Variants in CCSER1 observed in about 807,000 individuals in gnomAD.
CCSER1 encodes the protein serine-rich coiled-coil domain-containing protein 1.
Under a neutral mutation model 82.0 loss-of-function variants are expected in CCSER1, and 41 were observed. The observed-to-expected ratio is 0.50, with a 90% CI of 0.39 to 0.65. CCSER1 has a LOEUF of 0.65. Among genes scored for constraint, CCSER1 ranks in the 30% least tolerant of loss-of-function variants. The pLI is 0.00. For synonymous variants in CCSER1, 414 were observed against 383.9 expected (o/e 1.08, Z -0.92); for missense variants, 1,119 against 1,064.2 (o/e 1.05, Z -0.72).
At chr4:90,438,952 T>G (rs1331902321) in intron 4 of CCSER1, among the ~76,000 whole-genome samples, 2 of 152,152 alleles carry the variant, frequency 1.3e-5, no homozygotes, top group Non-Finnish European at 2.9e-5. Context: ...TTTTATACTA[T>G]TTGTGATTTT....
chr4:91,548,658 A>G (rs1762008081), intron 10 of CCSER1, among the ~76,000 whole-genome samples: 1 of 151,760 alleles, frequency 6.6e-6, no homozygotes, highest in Non-Finnish European at 1.5e-5. Flanking sequence ...TTCTCTCTCA[A>G]TATTTTAAAT....
intron 10 of CCSER1, among the ~76,000 whole-genome samples, chr4:91,509,548 A>G (rs1445119857): frequency 2.6e-5 from 4 of 152,020 alleles, no homozygotes; most frequent in African/African-American, 4.8e-5. Context: ...TATATCTACT[A>G]TTGCTGAGTG....
intron 5 of CCSER1, among the ~76,000 whole-genome samples, chr4:90,538,318 C>T (rs1333369379): frequency 2.0e-5 from 3 of 152,014 alleles, no homozygotes. Context: ...GAATAATTTA[C>T]ATAGAATTTA....
chr4:90,473,502 T>G (rs759435946), intron 5 of CCSER1, among the ~76,000 whole-genome samples: 14 of 152,358 alleles, frequency 9.2e-5, no homozygotes, highest in Middle Eastern at 3.4e-3. Context: ...ATGCTTCAGT[T>G]TCTTGTCATG....
intron 10 of CCSER1, among the ~76,000 whole-genome samples, chr4:91,505,238 A>G (rs1260357166): frequency 6.6e-6 from 1 of 152,212 alleles, no homozygotes; most frequent in South Asian, 2.1e-4. Context: ...AACGACTTCC[A>G]GCTCTATCCA....
intron 10 of CCSER1, among the ~76,000 whole-genome samples, chr4:91,474,820 C>CATATATATATATATATATATAT (rs1757495229): frequency 1.4e-5 from 2 of 146,954 alleles, no homozygotes; most frequent in African/African-American, 5.0e-5. Flanking sequence ...TATACACACA[C>CATATATATATATATATATATAT]ACACACACAC....
chr4:90,954,172 T>TATC (rs1222283463), intron 9 of CCSER1, among the ~76,000 whole-genome samples: 2 of 152,056 alleles, frequency 1.3e-5, no homozygotes, highest in South Asian at 2.1e-4. Context: ...TTTTATTTGT[T>TATC]ATCAGTTCCT....
chr4:90,794,339 A>G (rs1229056150), intron 7 of CCSER1, among the ~76,000 whole-genome samples: 2 of 152,182 alleles, frequency 1.3e-5, no homozygotes, highest in Non-Finnish European at 2.9e-5. Context: ...AGATTTTTGT[A>G]TATGATGTAA....
chr4:90,617,051 T>C lies in CCSER1; in HGVS notation c.1725-10974T>C, dbSNP rs62314383. On this transcript the variant is annotated intron_variant, in intron 5 of 10. Transcript: ENST00000509176. ...TATAAGAATTGATTATTAAAATATC[T>C]CTAAAGGTGACATAATTTAAAATAC... 4.0e-3 allele frequency among the ~76,000 whole-genome samples: 614 copies of C among 152,296 alleles called. 4 individuals are homozygous for C. The highest frequency in any genetic ancestry group is 5.5e-3 in the Non-Finnish European group (373 of 68,030).
chr4:91,098,932 T>A (rs1331562340), intron 10 of CCSER1, among the ~76,000 whole-genome samples: 1 of 152,202 alleles, frequency 6.6e-6, no homozygotes, highest in Non-Finnish European at 1.5e-5. Flanking sequence ...TTCTTGGAAA[T>A]AAGAGTTAGC....
At chr4:90,726,344 A>G (rs998099078) in intron 7 of CCSER1, among the ~76,000 whole-genome samples, 1 of 152,176 alleles carries the variant, frequency 6.6e-6, no homozygotes, top group Non-Finnish European at 1.5e-5. Context: ...ATAAATACAA[A>G]TACTTTCCCA....
chr4:90,725,110 A>G (rs1292420927), intron 7 of CCSER1: 1 of 293,368 alleles, frequency 3.4e-6, no homozygotes, highest in Non-Finnish European at 6.9e-6. Flanking sequence ...ATTATTATAC[A>G]GATAAATGAG....
intron 5 of CCSER1, among the ~76,000 whole-genome samples, chr4:90,494,209 A>G (rs1045366460): frequency 5.3e-5 from 8 of 152,260 alleles, no homozygotes; most frequent in Admixed American, 5.2e-4. Flanking sequence ...CCACAAGAAG[A>G]GCTAACTATC....
chr4:90,222,530 A>G (rs984368272), intron 1 of CCSER1, among the ~76,000 whole-genome samples: 10 of 152,200 alleles, frequency 6.6e-5, no homozygotes, highest in African/African-American at 2.4e-4. Flanking sequence ...AAATGACAAT[A>G]TGGGAATTAG....
At chr4:91,373,404 A>G (rs192296537) in intron 10 of CCSER1, among the ~76,000 whole-genome samples, 1 of 152,266 alleles carries the variant, frequency 6.6e-6, no homozygotes, top group East Asian at 1.9e-4. Context: ...ACATTTTGGT[A>G]ATTCTCCCAA....
chr4:90,239,974 C>T (rs1443209806), intron 1 of CCSER1, among the ~76,000 whole-genome samples: 1 of 152,154 alleles, frequency 6.6e-6, no homozygotes, highest in African/African-American at 2.4e-5. Context: ...AGTAACTTCT[C>T]TCTAAGATAT....
intron 5 of CCSER1, among the ~76,000 whole-genome samples, chr4:90,594,763 T>A (rs928283932): frequency 6.6e-6 from 1 of 151,998 alleles, no homozygotes; most frequent in South Asian, 2.1e-4. Flanking sequence ...TATCAAAGAA[T>A]TGAGGTGCTT....
At chr4:90,429,208 G>T (rs781373669) in intron 4 of CCSER1, among the ~76,000 whole-genome samples, 1 of 151,826 alleles carries the variant, frequency 6.6e-6, no homozygotes, top group East Asian at 1.9e-4. Context: ...TATTTGCTTA[G>T]TGTTCACTTT....
chr4:90,580,346 A>T (rs943064700), intron 5 of CCSER1, among the ~76,000 whole-genome samples: 1 of 152,130 alleles, frequency 6.6e-6, no homozygotes, highest in African/African-American at 2.4e-5. Flanking sequence ...ATAAAATGCA[A>T]AGTGTTGGCA....
Sources: allele counts gnomAD v4.1 joint callset (sites outside exome capture counted in the v4.1 genomes callset), GRCh38; gene constraint gnomAD v4.1.1; transcripts MANE v1.5; gene names NCBI Gene and HGNC (gene_info 2026-07-23, HGNC 2026-07-21).